The following DENND2C variants were observed in gnomAD, a reference collection of about 807,000 sequenced individuals.
DENND2C encodes DENN domain containing 2C.
In DENND2C, 72 loss-of-function variants were observed where a neutral mutation model predicts 112.4. The observed-to-expected ratio is 0.64, with a 90% CI of 0.53 to 0.78. The LOEUF (loss-of-function observed/expected upper bound fraction) is 0.78, where lower values mean the gene tolerates loss of function less well. Ranked by LOEUF, DENND2C falls within the 30% of genes least tolerant of loss-of-function variation. DENND2C has a pLI of 0.00. For missense variants in DENND2C, 992 were observed against 1,113.8 expected (o/e 0.89, Z 1.56); for synonymous variants, 329 against 381.6 (o/e 0.86, Z 1.61).
At chr1:114,665,196 G>A (rs1225934234) in intron 1 of DENND2C, among the ~76,000 whole-genome samples, 2 of 150,488 alleles carry the variant, frequency 1.3e-5, no homozygotes, top group Admixed American at 6.6e-5. Context: ...TTGAGCCCAA[G>A]AGGTCCAGGC....
chr1:114,652,879 T>A (rs1196891047), intron 2 of DENND2C, among the ~76,000 whole-genome samples: 1 of 151,900 alleles, frequency 6.6e-6, no homozygotes, highest in Non-Finnish European at 1.5e-5. Flanking sequence ...AGATTACTTA[T>A]AATACCTAAT....
intron 1 of DENND2C, among the ~76,000 whole-genome samples, chr1:114,667,496 A>G (rs114388329): frequency 0.011 from 1,714 of 152,276 alleles, 26 homozygotes; most frequent in African/African-American, 0.039. Context: ...TTGTTAAGAT[A>G]ATGCCATAAC....
intron 3 of DENND2C, among the ~76,000 whole-genome samples, chr1:114,627,500 A>C (rs1656378248): frequency 6.6e-6 from 1 of 152,084 alleles, no homozygotes; most frequent in Admixed American, 6.6e-5. Flanking sequence ...AATTCCATCA[A>C]CTTTTATTTA....
intron 3 of DENND2C, among the ~76,000 whole-genome samples, chr1:114,641,442 TTG>T (rs1347534627): frequency 6.6e-6 from 1 of 152,108 alleles, no homozygotes; most frequent in Non-Finnish European, 1.5e-5. Context: ...TGGGAGGTGT[TTG>T]TGTCACAGGG....
intron 9 of DENND2C, 96 bp from the exon 10 acceptor site, chr1:114,608,969 C>T (rs1347186490): frequency 7.7e-7 from 1 of 1,295,472 alleles, no homozygotes; most frequent in African/African-American, 1.5e-5. Context: ...AATCTTCACA[C>T]AGTCACTGCT....
rs757478742 is a variant in DENND2C at position 114,591,754 on chromosome 1, TTTTAACA to T, written c.2431+2712_2431+2718del. ...TTAAAAATATTTTCAAAAGCTTTGC[TTTTAACA>T]TTTAAGTCTTTAAATTCACTGGAAT... On this transcript the variant is annotated intron_variant, in intron 18 of 20. Transcript: ENST00000393274. Among the ~76,000 whole-genome samples the T allele has an allele frequency of 3.9e-5, 6 of 151,904 alleles. No individual in the cohort carries two copies. The South Asian group carries it at 1.0e-3, about 26-fold the overall frequency.
At chr1:114,647,161 T>TAA (rs55989344) in intron 2 of DENND2C, among the ~76,000 whole-genome samples, 147 of 139,694 alleles carry the variant, frequency 1.1e-3, no homozygotes, top group Admixed American at 1.8e-3. Context: ...GATTCTATCT[T>TAA]AAAAAAAAAA....
chr1:114,600,097 C>T, intron 15 of DENND2C, 107 bp downstream of exon 15: 1 of 1,277,284 alleles, frequency 7.8e-7, no homozygotes, highest in South Asian at 1.6e-5. Context: ...TGCACATGTA[C>T]CCTAGAACTT....
intron 3 of DENND2C, among the ~76,000 whole-genome samples, chr1:114,633,301 C>G (rs1182153277): frequency 6.6e-6 from 1 of 151,732 alleles, no homozygotes; most frequent in East Asian, 1.9e-4. Flanking sequence ...AGAAACTGGC[C>G]AGGCGTGGTG....
In DENND2C at chr1:114,627,582, CAAAAAAAA is replaced by C. The variant is rs5777200; in HGVS notation, c.-204-1402_-204-1395del. On this transcript the variant is annotated intron_variant, in intron 3 of 20. Coordinates refer to ENST00000393274, the MANE Select transcript of DENND2C (RefSeq NM_001256404.2). ...AATAAACTTTGGTGATAGTCTGACG[CAAAAAAAA>C]AAAAAAAAAAAATCCAAAAAACTTT... 8.3e-3 allele frequency among the ~76,000 whole-genome samples: 1,200 copies of C among 144,148 alleles called. 19 individuals are homozygous for C. The highest frequency in any genetic ancestry group is 0.027 in the African/African-American group (1,075 of 39,628). The allele number at this position is 144,148 out of a possible 152,430, so 94.6% of individuals were successfully genotyped here.
At chr1:114,643,715 T>C (rs777796144) in intron 3 of DENND2C, among the ~76,000 whole-genome samples, 11 of 152,212 alleles carry the variant, frequency 7.2e-5, no homozygotes, top group Non-Finnish European at 1.2e-4. Context: ...TGCCTATTAG[T>C]AAATCAAGAA....
At chr1:114,657,848 T>A (rs1657376814) in intron 1 of DENND2C, among the ~76,000 whole-genome samples, 1 of 151,834 alleles carries the variant, frequency 6.6e-6, no homozygotes, top group Non-Finnish European at 1.5e-5. Context: ...CAAACACCAG[T>A]GGGAAGGAGT....
At position 114,587,871 on chromosome 1, in the gene DENND2C, G is replaced by A. The variant is rs773525086; in HGVS notation, c.2513C>T (p.Thr838Ile). The change falls in exon 19 of 21, where the codon ACT (threonine) becomes ATT (isoleucine). Residue 838 changes from threonine to isoleucine, a missense_variant. Physicochemically the swap from Thr to Ile is moderately conservative, Grantham distance 89 (BLOSUM62 -1). This residue lies in a region of DENND2C where 516 missense variants were observed against 623.6 expected (regional missense o/e 0.83). Transcript: ENST00000393274. ...ELVGHYSLNM[T>I]VTERGERVFQ... Reference sequence around the variant, plus strand: ...AACACGCTCCCCACGCTCAGTGACAGTCATGTTCAAAGAATAATGTCCTAC... The same window carrying A: ...AACACGCTCCCCACGCTCAGTGACAATCATGTTCAAAGAATAATGTCCTAC... 2.5e-6 allele frequency: 4 copies of A among 1,613,996 alleles called. No homozygotes were observed. The highest frequency in any genetic ancestry group is 3.3e-4 in the Middle Eastern group (2 of 6,084).
At chr1:114,667,782 G>A (rs1157366475) in intron 1 of DENND2C, among the ~76,000 whole-genome samples, 1 of 152,070 alleles carries the variant, frequency 6.6e-6, no homozygotes, top group Non-Finnish European at 1.5e-5. Flanking sequence ...CAGGTCCTTG[G>A]AGAATGACTG....
At chr1:114,662,372 C>T (rs989709585) in intron 1 of DENND2C, among the ~76,000 whole-genome samples, 8 of 152,120 alleles carry the variant, frequency 5.3e-5, no homozygotes, top group Non-Finnish European at 1.2e-4. Context: ...CTCTCCCCCA[C>T]CAATCTGTCC....
chr1:114,596,599 A>G (rs757172084), intron 16 of DENND2C, among the ~76,000 whole-genome samples: 1 of 152,116 alleles, frequency 6.6e-6, no homozygotes, highest in Non-Finnish European at 1.5e-5. Context: ...TTGTGTCAGG[A>G]TATCCTTCAA....
intron 10 of DENND2C, 53 bp from the exon 11 acceptor site, chr1:114,605,084 T>C (rs1220262249): frequency 1.6e-5 from 22 of 1,340,050 alleles, no homozygotes; most frequent in Admixed American, 4.6e-5. Context: ...AAGTGGGGAA[T>C]AGAAATAAAA....
At chr1:114,601,406 C>T in intron 13 of DENND2C, 102 bp downstream of exon 13, 1 of 1,162,652 alleles carries the variant, frequency 8.6e-7, no homozygotes, top group South Asian at 1.6e-5. Context: ...TCCTAGTTTA[C>T]TAATAGGGAA....
chr1:114,666,217 C>T (rs1254171047), intron 1 of DENND2C, among the ~76,000 whole-genome samples: 2 of 152,162 alleles, frequency 1.3e-5, no homozygotes, highest in Admixed American at 6.5e-5. Context: ...ACTCCAGGCC[C>T]CTATCCTCCC....
Sources: gnomAD v4.1 joint callset for allele counts (sites outside exome capture counted in the v4.1 genomes callset) on GRCh38, gnomAD v4.1.1 for gene constraint, gnomAD v4.1.1 regional missense constraint, MANE v1.5 for transcripts, NCBI Gene and HGNC (gene_info 2026-07-23, HGNC 2026-07-21) for gene names.